AUH: variants seen among roughly 807,000 people sequenced by gnomAD.
AUH encodes the protein AU RNA binding methylglutaconyl-CoA hydratase.
In AUH, 29 loss-of-function variants were observed where a neutral mutation model predicts 42.3. That is an observed-to-expected ratio of 0.69 (90% CI 0.51 to 0.93). AUH has a LOEUF of 0.93. AUH is among the 40% of genes least tolerant of loss of function. The pLI is 0.00. For missense variants in AUH, 452 were observed against 438.1 expected (o/e 1.03, Z -0.28); for synonymous variants, 174 against 166.4 (o/e 1.05, Z -0.35).
rs79863410 is a variant in AUH at position 91,278,732 on chromosome 9, A to T, written c.655+17289T>A. Among the ~76,000 whole-genome samples the T allele has an allele frequency of 2.0e-5, 3 of 152,260 alleles. No individual in the cohort carries two copies. The South Asian group carries it at 6.2e-4, about 32-fold the overall frequency. ...TCTTCCAGCCAAGATAGGGTAGCAA[A>T]GACTGGATTTACCTTCCTACCTGAA... is the stretch of plus-strand genomic sequence containing the variant. On this transcript the variant is annotated intron_variant, in intron 6 of 9. Transcript: ENST00000375731.
chr9:91,349,726 G>A lies in AUH; in HGVS notation c.418+6157C>T, dbSNP rs549485934. On this transcript the variant is annotated intron_variant, in intron 3 of 9. Transcript: ENST00000375731. ...CACAGAGAGAAGAGAGAGGGAGAGG[G>A]AGAGAGAGAGAAGGTAAACTAAAAG... 7.9e-5 allele frequency among the ~76,000 whole-genome samples: 12 copies of A among 152,096 alleles called. No individual in the cohort carries two copies. The South Asian group carries it at 2.1e-3, about 26-fold the overall frequency.
chr9:91,279,217 G>A (rs984488258), intron 6 of AUH, among the ~76,000 whole-genome samples: 1 of 152,130 alleles, frequency 6.6e-6, no homozygotes, highest in South Asian at 2.1e-4. Flanking sequence ...CAACGTGCCA[G>A]GTAATGACAT....
At chr9:91,279,198 T>A (rs944315914) in intron 6 of AUH, among the ~76,000 whole-genome samples, 4 of 152,202 alleles carry the variant, frequency 2.6e-5, no homozygotes, top group Admixed American at 1.3e-4. Context: ...AATAAAGTGT[T>A]AGTCCTTACA....
Position 91,286,180 on chromosome 9 carries a change from G to T in AUH, c.655+9841C>A, listed in dbSNP as rs144874370. 2.1e-3 allele frequency among the ~76,000 whole-genome samples: 314 copies of T among 152,158 alleles called. 1 individual carries two copies. The highest frequency in any genetic ancestry group is 7.2e-3 in the African/African-American group (301 of 41,528). ...AACTTCTAAAAGGATCTCAACAAAG[G>T]TTATAAACAAAGCCTTTCAAAATGA... On this transcript the variant is annotated intron_variant, in intron 6 of 9. Transcript: ENST00000375731.
At chr9:91,279,231 C>T (rs1484678338) in intron 6 of AUH, among the ~76,000 whole-genome samples, 4 of 152,108 alleles carry the variant, frequency 2.6e-5, no homozygotes, top group South Asian at 2.1e-4. Context: ...ATGACATAGG[C>T]ACTTTACATG....
chr9:91,347,556 C>G (rs1831620218), intron 3 of AUH, among the ~76,000 whole-genome samples: 1 of 152,154 alleles, frequency 6.6e-6, no homozygotes, highest in African/African-American at 2.4e-5. Flanking sequence ...CTGAAGCTAT[C>G]TAGGGTCATC....
At chr9:91,345,709 T>G (rs1484862677) in intron 3 of AUH, among the ~76,000 whole-genome samples, 1 of 151,800 alleles carries the variant, frequency 6.6e-6, no homozygotes, top group Non-Finnish European at 1.5e-5. Context: ...GGCGAGCCCC[T>G]GTAGTCCCAG....
At chr9:91,343,289 A>G (rs2131991616) in intron 3 of AUH, 1 of 152,324 alleles carries the variant, frequency 6.6e-6, no homozygotes, top group East Asian at 1.9e-4. Context: ...TTAGGAAGCT[A>G]GAAATAAGAG....
intron 6 of AUH, among the ~76,000 whole-genome samples, chr9:91,236,604 T>C (rs1421306000): frequency 6.6e-6 from 1 of 152,128 alleles, no homozygotes; most frequent in Non-Finnish European, 1.5e-5. Flanking sequence ...GTTAGGATGC[T>C]GCAGAGTGAG....
intron 6 of AUH, among the ~76,000 whole-genome samples, chr9:91,276,258 A>C (rs1394411497): frequency 6.6e-6 from 1 of 151,998 alleles, no homozygotes; most frequent in Non-Finnish European, 1.5e-5. Flanking sequence ...GTGAAACCCT[A>C]TCTCTACTAA....
intron 1 of AUH, among the ~76,000 whole-genome samples, chr9:91,360,867 G>C (rs1451039703): frequency 1.3e-5 from 2 of 152,182 alleles, no homozygotes; most frequent in Non-Finnish European, 2.9e-5. Flanking sequence ...GAGGTTAAGG[G>C]TGGAAACTGC....
At chr9:91,318,346 T>A (rs2041332555) in intron 4 of AUH, among the ~76,000 whole-genome samples, 1 of 152,216 alleles carries the variant, frequency 6.6e-6, no homozygotes, top group South Asian at 2.1e-4. Flanking sequence ...CCTCTTTTCA[T>A]CCCAGTCTCA....
chr9:91,341,943 A>G (rs1325703169), intron 3 of AUH, among the ~76,000 whole-genome samples: 1 of 152,220 alleles, frequency 6.6e-6, no homozygotes, highest in East Asian at 1.9e-4. Flanking sequence ...AACACTGAGC[A>G]CAACGAGTTG....
chr9:91,283,827 G>A (rs983260404), intron 6 of AUH, among the ~76,000 whole-genome samples: 7 of 152,118 alleles, frequency 4.6e-5, no homozygotes, highest in African/African-American at 1.7e-4. Context: ...CAAACAAATG[G>A]AAGAACATTC....
intron 6 of AUH, among the ~76,000 whole-genome samples, chr9:91,284,839 G>C (rs1371523943): frequency 6.6e-6 from 1 of 152,144 alleles, no homozygotes; most frequent in Non-Finnish European, 1.5e-5. Context: ...TGGAGAAATA[G>C]GAACACTTTT....
chr9:91,262,718 G>T (rs1376702191), intron 6 of AUH, among the ~76,000 whole-genome samples: 1 of 151,904 alleles, frequency 6.6e-6, no homozygotes, highest in African/African-American at 2.4e-5. Context: ...GGGGCGTGGG[G>T]TGGGGACAAC....
intron 6 of AUH, among the ~76,000 whole-genome samples, chr9:91,223,903 C>A (rs1827279957): frequency 6.6e-6 from 1 of 152,128 alleles, no homozygotes; most frequent in Non-Finnish European, 1.5e-5. Context: ...GACCTTCAGG[C>A]CTTTCAAAAA....
At chr9:91,251,112 G>A (rs966488359) in intron 6 of AUH, among the ~76,000 whole-genome samples, 2 of 152,104 alleles carry the variant, frequency 1.3e-5, no homozygotes, top group African/African-American at 4.8e-5. Context: ...TTTTACCTTT[G>A]GGAATCTTAT....
At chr9:91,291,969 C>T (rs1375317600) in intron 6 of AUH, among the ~76,000 whole-genome samples, 1 of 139,588 alleles carries the variant, frequency 7.2e-6, no homozygotes, top group East Asian at 2.2e-4. Flanking sequence ...GTTACTATAA[C>T]ATGCATATCC....
Sources: allele counts gnomAD v4.1 joint callset (sites outside exome capture counted in the v4.1 genomes callset), GRCh38; gene constraint gnomAD v4.1.1; transcripts MANE v1.5; gene names NCBI Gene and HGNC (gene_info 2026-07-23, HGNC 2026-07-21).